Variants in ZNF578 observed in about 807,000 individuals in gnomAD.
ZNF578 encodes zinc finger protein 578, also known as Putative chemokine-related protein B42.
Under a neutral mutation model 8.3 loss-of-function variants are expected in ZNF578, and 8 were observed. The ratio of observed to expected loss-of-function variants is 0.96; its 90% CI spans 0.56 to 1.74. ZNF578 has a LOEUF of 1.74. ZNF578 is among the 40% of genes most tolerant of loss of function. The pLI is 0.00. For synonymous variants in ZNF578, 206 were observed against 232.2 expected, an observed-to-expected ratio of 0.89 and a Z score of 1.03; for missense variants, 726 against 707.5, an observed-to-expected ratio of 1.03 and a Z score of -0.30.
intron 2 of ZNF578, among the ~76,000 whole-genome samples, chr19:52,484,532 A>G (rs1416599865): frequency 6.6e-6 from 1 of 151,932 alleles, no homozygotes; most frequent in East Asian, 1.9e-4. Context: ...TCCACAGTGT[A>G]TTGTGTCTCT....
At position 52,498,314 on chromosome 19, in the gene ZNF578, G is replaced by A. The variant is rs552563333; in HGVS notation, c.-19-3513G>A. 4.2e-4 allele frequency among the ~76,000 whole-genome samples: 61 copies of A among 144,478 alleles called. 1 individual carries two copies. The South Asian group carries it at 9.8e-3, about 23-fold the overall frequency. 94.8% of individuals were successfully genotyped at this position (144,478 alleles called of 152,430 possible). On this transcript the variant is annotated intron_variant, in intron 3 of 5. Coordinates refer to ENST00000421239, the MANE Select transcript of ZNF578 (RefSeq NM_001099694.2). The stretch of plus-strand genomic sequence containing the variant: ...AGAGACTACAGGTGCCCACCACCAC[G>A]CCTGGCTAATGTGTGTTTTTTTTTT...
At chr19:52,487,277 T>A (rs753903998) in intron 2 of ZNF578, among the ~76,000 whole-genome samples, 80 of 152,146 alleles carry the variant, frequency 5.3e-4, no homozygotes, top group Non-Finnish European at 1.1e-3. Context: ...TGCACTGAGC[T>A]GAGATCATGC....
At chr19:52,471,851 C>A (rs2059292763) in intron 2 of ZNF578, among the ~76,000 whole-genome samples, 1 of 152,122 alleles carries the variant, frequency 6.6e-6, no homozygotes, top group Admixed American at 6.6e-5. Context: ...TATGAAATTT[C>A]TAGTCAGTCT....
At chr19:52,509,481 A>C (rs1378820036) in intron 5 of ZNF578, among the ~76,000 whole-genome samples, 1 of 152,004 alleles carries the variant, frequency 6.6e-6, no homozygotes, top group Non-Finnish European at 1.5e-5. Context: ...TAACTGACAC[A>C]CTCCACTCGT....
At chr19:52,466,348 A>G (rs2059275178) in intron 2 of ZNF578, among the ~76,000 whole-genome samples, 1 of 152,174 alleles carries the variant, frequency 6.6e-6, no homozygotes, top group Non-Finnish European at 1.5e-5. Flanking sequence ...ATGTTTACAG[A>G]TAAGAGAGCA....
At chr19:52,488,542 G>A (rs899693868) in intron 2 of ZNF578, among the ~76,000 whole-genome samples, 6 of 151,700 alleles carry the variant, frequency 4.0e-5, no homozygotes, top group African/African-American at 1.5e-4. Context: ...CCGGTAGGCG[G>A]AGCTTGCAGT....
At chr19:52,495,506 G>T (rs1216178654) in intron 3 of ZNF578, among the ~76,000 whole-genome samples, 1 of 150,846 alleles carries the variant, frequency 6.6e-6, no homozygotes, top group Non-Finnish European at 1.5e-5. Flanking sequence ...ATGAGCAGAA[G>T]CCCAGGGGGA....
At chr19:52,485,946 C>T (rs539055745) in intron 2 of ZNF578, among the ~76,000 whole-genome samples, 44 of 152,214 alleles carry the variant, frequency 2.9e-4, no homozygotes, top group African/African-American at 7.9e-4. Flanking sequence ...TCCCCCAGCC[C>T]GACACCCATA....
chr19:52,470,160 TC>T (rs2059287664), intron 2 of ZNF578, among the ~76,000 whole-genome samples: 1 of 152,130 alleles, frequency 6.6e-6, no homozygotes, highest in Non-Finnish European at 1.5e-5. Context: ...GTACCTTTTT[TC>T]TGAGGACATT....
chr19:52,459,713 ATGTGTGTGTGTGTGTGTG>A (rs1555751309), intron 2 of ZNF578, among the ~76,000 whole-genome samples: 1 of 18,234 alleles, frequency 5.5e-5, no homozygotes, highest in Non-Finnish European at 1.4e-4. Flanking sequence ...ATATGTAGAT[ATGTGTGTGTGTGTGTGTG>A]TGTGTGTGTG....
Position 52,463,518 on chromosome 19 carries a change from C to G in ZNF578, c.-122+6560C>G, listed in dbSNP as rs1381394795. On this transcript the variant is annotated intron_variant, in intron 2 of 5. Coordinates refer to ENST00000421239, the MANE Select transcript of ZNF578 (RefSeq NM_001099694.2). Reference sequence around the variant, plus strand: ...CCAACAAGTCAGCTTGCTGATTAGCCTTAGTCAAGGGTCCTGGAAGATTGG... The same window carrying G: ...CCAACAAGTCAGCTTGCTGATTAGCGTTAGTCAAGGGTCCTGGAAGATTGG... Among the ~76,000 whole-genome samples, 27 of 149,966 alleles carry G rather than the reference C, an allele frequency of 1.8e-4. No individual in the cohort carries two copies. The Admixed American group carries it at 1.8e-3, about 10-fold the overall frequency.
At chr19:52,472,444 T>C (rs1173945850) in intron 2 of ZNF578, among the ~76,000 whole-genome samples, 1 of 152,224 alleles carries the variant, frequency 6.6e-6, no homozygotes, top group African/African-American at 2.4e-5. Context: ...CATTAAACTC[T>C]CTACTCTGAT....
chr19:52,456,338 A>G (rs1337372229), intron 1 of ZNF578: 3 of 152,254 alleles, frequency 2.0e-5, no homozygotes, highest in Non-Finnish European at 4.4e-5. Flanking sequence ...CTGGATTCGC[A>G]TTAGAATGCT....
chr19:52,455,936 C>G (rs2059238325), intron 1 of ZNF578: 1 of 152,326 alleles, frequency 6.6e-6, no homozygotes, highest in African/African-American at 2.4e-5. Context: ...CAGGACCTCT[C>G]TGACCTCATC....
intron 2 of ZNF578, among the ~76,000 whole-genome samples, chr19:52,461,579 A>G (rs1176847809): frequency 2.0e-5 from 3 of 152,194 alleles, no homozygotes; most frequent in African/African-American, 7.2e-5. Context: ...GGCCCTTACC[A>G]GCAACACAGA....
chr19:52,479,387 T>C (rs1288295798), intron 2 of ZNF578, among the ~76,000 whole-genome samples: 1 of 151,590 alleles, frequency 6.6e-6, no homozygotes, highest in Non-Finnish European at 1.5e-5. Flanking sequence ...TAGCAAAAAT[T>C]AGACGGGTGT....
intron 3 of ZNF578, among the ~76,000 whole-genome samples, chr19:52,499,417 A>G (rs1447798425): frequency 6.6e-6 from 1 of 152,152 alleles, no homozygotes; most frequent in Non-Finnish European, 1.5e-5. Flanking sequence ...TGTGTCCAGT[A>G]GTCTCCTCAG....
At chr19:52,497,053 C>G (rs2059389474) in intron 3 of ZNF578, among the ~76,000 whole-genome samples, 1 of 152,128 alleles carries the variant, frequency 6.6e-6, no homozygotes, top group Non-Finnish European at 1.5e-5. Context: ...CCACCTCAGC[C>G]TCCGGAGTAG....
rs1342531862 is a variant in ZNF578, at chr19:52,516,232, TGATC to T, written c.*4079_*4082del. On this transcript the variant is annotated 3_prime_UTR_variant, in exon 6 of 6. Coordinates refer to ENST00000421239, the MANE Select transcript of ZNF578 (RefSeq NM_001099694.2). The stretch of plus-strand genomic sequence containing the variant: ...CTGGTCTCAAGCTCCTGAGCTCAAG[TGATC>T]TACCCACCTCGGCCTCCTAGAGTGC... Among the ~76,000 whole-genome samples, 1 of 152,154 alleles carries T rather than the reference TGATC, an allele frequency of 6.6e-6. No individual in the cohort carries two copies. Among genetic ancestry groups the T allele is most frequent in the African/African-American group, 2.4e-5 (1 of 41,432 alleles).
Sources: gnomAD v4.1 joint callset for allele counts (sites outside exome capture counted in the v4.1 genomes callset) on GRCh38, gnomAD v4.1.1 for gene constraint, MANE v1.5 for transcripts, NCBI Gene and HGNC (gene_info 2026-07-23, HGNC 2026-07-21) for gene names.